Variants in EIF4E observed in about 807,000 individuals in gnomAD.
The protein encoded by EIF4E is eIF-4F 25 kDa subunit.
For synonymous variants in EIF4E, 71 were observed against 88.5 expected (o/e 0.80, Z 1.11); for missense variants, 113 against 265.6 (o/e 0.43, Z 3.99).
intron 1 of EIF4E, among the ~76,000 whole-genome samples, chr4:98,913,036 C>T (rs1333740887): frequency 6.6e-6 from 1 of 151,924 alleles, no homozygotes; most frequent in Admixed American, 6.6e-5. Flanking sequence ...GGTGAAACCG[C>T]GTCTCTACTA....
chr4:98,899,239 A>G (rs540802968), intron 2 of EIF4E, among the ~76,000 whole-genome samples: 21 of 152,180 alleles, frequency 1.4e-4, no homozygotes, highest in South Asian at 2.1e-4. Flanking sequence ...AAAGTAGGGG[A>G]AAAAAAAGAT....
chr4:98,915,683 G>C (rs1262114552), intron 1 of EIF4E, among the ~76,000 whole-genome samples: 1 of 151,624 alleles, frequency 6.6e-6, no homozygotes, highest in Non-Finnish European at 1.5e-5. Flanking sequence ...TGGGATTATA[G>C]GTACCCGCCA....
chr4:98,887,997 T>A lies in EIF4E; in HGVS notation c.222-45A>T. The A allele has an allele frequency of 6.6e-7, 1 of 1,508,696 alleles. No homozygotes were observed. Among genetic ancestry groups the A allele is most frequent in the Non-Finnish European group, 9.2e-7 (1 of 1,091,040 alleles). The allele number at this position is 1,508,696 out of a possible 1,614,324, so 93.5% of individuals were successfully genotyped here. A position where few individuals can be genotyped will look rare whatever the true frequency, so the allele number is the denominator to read the frequency against. On this transcript the variant is annotated intron_variant, in intron 3 of 6. Transcript: ENST00000450253. This position sits in a 1 kb window ranked among gnomAD's most constrained non-coding sequence, Gnocchi z 4.0. ...AATTAAAAACACAGAATATGTAATA[T>A]AGAGTTTAGGTGCTTACATATATAT...
intron 1 of EIF4E, among the ~76,000 whole-genome samples, chr4:98,908,947 C>A (rs1049592346): frequency 1.3e-5 from 2 of 152,128 alleles, no homozygotes; most frequent in Non-Finnish European, 2.9e-5. Flanking sequence ...ACTCTCACTC[C>A]CAAAGGTGGC....
At chr4:98,911,417 T>C (rs1464622833) in intron 1 of EIF4E, among the ~76,000 whole-genome samples, 1 of 143,678 alleles carries the variant, frequency 7.0e-6, no homozygotes, top group East Asian at 2.4e-4. Context: ...CCCAGCACTT[T>C]GGGAGGCCGA....
intron 2 of EIF4E, among the ~76,000 whole-genome samples, chr4:98,891,734 A>C (rs1724150167): frequency 6.6e-6 from 1 of 152,200 alleles, no homozygotes; most frequent in African/African-American, 2.4e-5. Context: ...TTGCACAATA[A>C]TTGGTTGCAG....
intron 1 of EIF4E, among the ~76,000 whole-genome samples, chr4:98,918,770 C>T (rs1328945058): frequency 6.6e-6 from 1 of 152,158 alleles, no homozygotes. Flanking sequence ...CTCTACAAGA[C>T]ATATTAAGTG....
chr4:98,928,988 G>A, intron 1 of EIF4E, 107 bp downstream of exon 1: 2 of 1,572,168 alleles, frequency 1.3e-6, no homozygotes, highest in African/African-American at 1.4e-5. Context: ...GGAAGGGGCG[G>A]CAAGGGGTAC....
intron 3 of EIF4E, among the ~76,000 whole-genome samples, chr4:98,888,904 T>C (rs1018213840): frequency 6.6e-6 from 1 of 152,136 alleles, no homozygotes; most frequent in Non-Finnish European, 1.5e-5. Context: ...CTCACGCCTG[T>C]AATCCCAGCA....
Position 98,891,499 on chromosome 4 carries a change from A to C in EIF4E, c.126-167T>G, listed in dbSNP as rs151078519. ...ATACTAAAAAGCCCTGATGAAGGAAATTCTAACACTTCATAAAACATGAGG... is the reference window on the plus strand; with the variant it reads ...ATACTAAAAAGCCCTGATGAAGGAACTTCTAACACTTCATAAAACATGAGG... On this transcript the variant is annotated intron_variant, in intron 2 of 6. Coordinates refer to ENST00000450253, the MANE Select transcript of EIF4E (RefSeq NM_001968.5). The C allele has an allele frequency of 1.1e-4, 72 of 641,222 alleles. No homozygotes were observed. In the African/African-American group the frequency reaches 1.2e-3, roughly 11 times the overall value. 39.7% of individuals were successfully genotyped at this position (641,222 alleles called of 1,614,324 possible). A position where few individuals can be genotyped will look rare whatever the true frequency, so the allele number is the denominator to read the frequency against.
intron 1 of EIF4E, among the ~76,000 whole-genome samples, chr4:98,916,274 ACATT>A (rs1196410723): frequency 7.2e-6 from 1 of 139,714 alleles, no homozygotes; most frequent in Non-Finnish European, 1.5e-5. Flanking sequence ...ATAAAAATGA[ACATT>A]CAGAGGACAA....
Position 98,912,165 on chromosome 4 carries a change from T to C in EIF4E, c.19-10183A>G, listed in dbSNP as rs1251129612. Among the ~76,000 whole-genome samples the C allele has an allele frequency of 6.7e-5, 10 of 148,546 alleles. No homozygotes were observed. The Admixed American group carries it at 6.8e-4, about 10-fold the overall frequency. On this transcript the variant is annotated intron_variant, in intron 1 of 6. Coordinates refer to ENST00000450253, the MANE Select transcript of EIF4E (RefSeq NM_001968.5). Reference sequence around the variant, plus strand: ...TACTTGGGAGGCTGAAGCAGGAGAATCACTTGAACCCGGGAGAGGGAAACT... The same window carrying C: ...TACTTGGGAGGCTGAAGCAGGAGAACCACTTGAACCCGGGAGAGGGAAACT...
chr4:98,884,901 T>C (rs373421201), intron 6 of EIF4E, 21 bp downstream of exon 6: 5 of 1,611,414 alleles, frequency 3.1e-6, no homozygotes, highest in Non-Finnish European at 4.2e-6. Flanking sequence ...GTAAAATAAG[T>C]AGGCAAAGAG....
intron 2 of EIF4E, among the ~76,000 whole-genome samples, chr4:98,892,004 C>T (rs1234864985): frequency 6.6e-6 from 1 of 152,200 alleles, no homozygotes; most frequent in Admixed American, 6.5e-5. Context: ...GAGACAACTA[C>T]AGTGTGCTAA....
At chr4:98,884,366 T>C (rs1010461189) in intron 6 of EIF4E, among the ~76,000 whole-genome samples, 7 of 152,170 alleles carry the variant, frequency 4.6e-5, no homozygotes, top group Admixed American at 1.3e-4. Context: ...CTAGTGGTTA[T>C]ATACTTCACT....
At chr4:98,890,113 C>T (rs1413668128) in intron 3 of EIF4E, among the ~76,000 whole-genome samples, 1 of 152,070 alleles carries the variant, frequency 6.6e-6, no homozygotes, top group African/African-American at 2.4e-5. Context: ...TTTTCAGCAA[C>T]ACAAATGAAT....
At chr4:98,888,424 G>GTAGAA (rs1248904822) in intron 3 of EIF4E, among the ~76,000 whole-genome samples, 2 of 152,234 alleles carry the variant, frequency 1.3e-5, no homozygotes, top group East Asian at 3.9e-4. Flanking sequence ...GTATCCAAGA[G>GTAGAA]TAGAATAGAT....
intron 1 of EIF4E, among the ~76,000 whole-genome samples, chr4:98,923,129 G>A (rs1328251704): frequency 6.6e-6 from 1 of 151,130 alleles, no homozygotes; most frequent in Non-Finnish European, 1.5e-5. Context: ...GGGATTACAG[G>A]CGTGAGCCAC....
intron 1 of EIF4E, among the ~76,000 whole-genome samples, chr4:98,928,210 C>T (rs1352588095): frequency 1.3e-5 from 2 of 152,096 alleles, no homozygotes; most frequent in Non-Finnish European, 2.9e-5. Context: ...GGAAGACGGG[C>T]GCGTGTGAAA....
Sources: allele counts gnomAD v4.1 joint callset (sites outside exome capture counted in the v4.1 genomes callset), GRCh38; gene constraint gnomAD v4.1.1; non-coding constraint Gnocchi (gnomAD v3.1); transcripts MANE v1.5; gene names NCBI Gene and HGNC (gene_info 2026-07-23, HGNC 2026-07-21).